The following KIF1B variants were observed in gnomAD, a reference collection of about 807,000 sequenced individuals.
KIF1B encodes kinesin family member 1B.
In KIF1B, 76 loss-of-function variants were observed where a neutral mutation model predicts 241.9. The ratio of observed to expected loss-of-function variants is 0.31; its 90% CI spans 0.26 to 0.38. The LOEUF is 0.38. KIF1B is among the 10% of genes least tolerant of loss of function. The probability of loss-of-function intolerance (pLI) is 1.00; values close to 1 mark genes in which losing one functional copy is unlikely to be tolerated. For synonymous variants in KIF1B, 750 were observed against 796.7 expected (o/e 0.94, Z 0.99); for missense variants, 1,622 against 2,271.4 (o/e 0.71, Z 5.81).
At chr1:10,312,014 C>T (rs1651088645) in intron 22 of KIF1B, among the ~76,000 whole-genome samples, 1 of 151,410 alleles carries the variant, frequency 6.6e-6, no homozygotes, top group Non-Finnish European at 1.5e-5. Context: ...GAGCCAGAGC[C>T]AGTCCCAGGG....
intron 45 of KIF1B, among the ~76,000 whole-genome samples, chr1:10,373,799 G>A (rs181799082): frequency 4.3e-4 from 66 of 152,298 alleles, no homozygotes; most frequent in African/African-American, 1.6e-3. Flanking sequence ...GGGCCTCTGA[G>A]ACTTCAGTGT....
At chr1:10,334,212 A>G (rs991841323) in intron 27 of KIF1B, among the ~76,000 whole-genome samples, 2 of 150,958 alleles carry the variant, frequency 1.3e-5, no homozygotes, top group Non-Finnish European at 2.9e-5. Flanking sequence ...CTGCCCGAGC[A>G]GCATTCATAG....
At position 10,374,635 on chromosome 1, in the gene KIF1B, G is replaced by T. The variant is rs560268336; in HGVS notation, c.5096+170G>T. Among the ~76,000 whole-genome samples the T allele has an allele frequency of 3.2e-4, 48 of 152,284 alleles. No homozygotes were observed. In the South Asian group the frequency reaches 8.7e-3, roughly 28 times the overall value. On this transcript the variant is annotated intron_variant, in intron 46 of 48. Coordinates refer to ENST00000676179, the MANE Select transcript of KIF1B (RefSeq NM_001365951.3). The surrounding 1 kb of genome is among the most constrained non-coding windows in gnomAD (Gnocchi z 4.3). Reference sequence around the variant, plus strand: ...AGGGCCAGCCTGGGTTTCTCCAGTTGGGTCTCATAATGCATCTGCACCCTG... The same window carrying T: ...AGGGCCAGCCTGGGTTTCTCCAGTTTGGTCTCATAATGCATCTGCACCCTG...
chr1:10,220,584 G>C (rs373193723), intron 1 of KIF1B, among the ~76,000 whole-genome samples: 1 of 152,114 alleles, frequency 6.6e-6, no homozygotes, highest in East Asian at 1.9e-4. Flanking sequence ...GTACAGCCAA[G>C]GAGTTTTGAG....
Position 10,296,591 on chromosome 1 carries a change from C to T in KIF1B, c.1787C>T (p.Thr596Ile), listed in dbSNP as rs938537402. Residue 596 changes from threonine (T) to isoleucine (I), a missense_variant, in exon 20 of 49, where the codon ACC becomes ATC. Around this residue, in one of 7 missense-constraint regions of KIF1B, gnomAD observed 44 missense variants for 28.6 expected, o/e 1.54. Transcript: ENST00000676179. ...ERSNSGEVIV[T>I]LEPCERSETY... ...TGTTTGTTCCTCTTAGTTATCGTGA[C>T]CTTAGAGCCCTGTGAGCGCTCAGAA... 6.2e-7 allele frequency: 1 copy of T among 1,613,348 alleles called. No homozygotes were observed. The highest frequency in any genetic ancestry group is 1.3e-5 in the African/African-American group (1 of 74,866).
chr1:10,335,915 T>C (rs1652152715), intron 28 of KIF1B, among the ~76,000 whole-genome samples: 1 of 152,198 alleles, frequency 6.6e-6, no homozygotes, highest in Non-Finnish European at 1.5e-5. Context: ...AATGTGGTCA[T>C]TTGCTGTAAT....
At chr1:10,212,589 T>C (rs1404777651) in intron 1 of KIF1B, among the ~76,000 whole-genome samples, 1 of 152,070 alleles carries the variant, frequency 6.6e-6, no homozygotes, top group Non-Finnish European at 1.5e-5. Flanking sequence ...TTGAACTATG[T>C]AAAAAATTTT....
chr1:10,328,689 T>C (rs540583031), intron 27 of KIF1B, among the ~76,000 whole-genome samples: 55 of 152,344 alleles, frequency 3.6e-4, no homozygotes, highest in African/African-American at 1.3e-3. Context: ...TGTTCGCTTG[T>C]GTTCTATACC....
intron 13 of KIF1B, 139 bp from the exon 14 acceptor site, chr1:10,278,958 G>A (rs909013542): frequency 5.6e-6 from 3 of 532,648 alleles, no homozygotes; most frequent in African/African-American, 1.9e-5. Flanking sequence ...GATGAATACC[G>A]TTTGTAAAAA....
At chr1:10,278,224 G>A (rs1429729865) in intron 13 of KIF1B, 96 bp downstream of exon 13, 1 of 1,255,078 alleles carries the variant, frequency 8.0e-7, no homozygotes, top group East Asian at 2.4e-5. Context: ...AAGTTAAGGA[G>A]CATGATGAAG....
At chr1:10,360,232 C>T (rs2102343793) in intron 38 of KIF1B, among the ~76,000 whole-genome samples, 1 of 152,196 alleles carries the variant, frequency 6.6e-6, no homozygotes. Flanking sequence ...GCATTCACTT[C>T]CTGCTGTCAT....
intron 22 of KIF1B, among the ~76,000 whole-genome samples, chr1:10,313,777 C>T (rs150314977): frequency 0.013 from 2,027 of 151,294 alleles, 44 homozygotes; most frequent in East Asian, 0.02. Flanking sequence ...GTCTTGATCT[C>T]CTGACCTCGT....
intron 3 of KIF1B, among the ~76,000 whole-genome samples, chr1:10,257,599 C>T (rs995634072): frequency 1.3e-5 from 2 of 152,058 alleles, no homozygotes; most frequent in African/African-American, 4.8e-5. Context: ...AATGTTGCTG[C>T]TTCTTAGGGA....
At chr1:10,323,175 T>C (rs553918805) in intron 24 of KIF1B, among the ~76,000 whole-genome samples, 27 of 152,312 alleles carry the variant, frequency 1.8e-4, no homozygotes, top group Admixed American at 6.5e-4. Context: ...TAAATGCTTT[T>C]AAGAGCAGTA....
intron 15 of KIF1B, among the ~76,000 whole-genome samples, chr1:10,283,206 C>CAAAAAA (rs33994771): frequency 4.6e-4 from 28 of 61,462 alleles, no homozygotes; most frequent in South Asian, 6.9e-4. Context: ...GACTCCGTCT[C>CAAAAAA]AAAAAAAAAA....
intron 43 of KIF1B, among the ~76,000 whole-genome samples, chr1:10,366,265 T>A (rs2102351364): frequency 6.6e-6 from 1 of 151,992 alleles, no homozygotes; most frequent in East Asian, 1.9e-4. Flanking sequence ...AATTAAAAAA[T>A]TAAAAAATAT....
intron 24 of KIF1B, among the ~76,000 whole-genome samples, chr1:10,322,533 C>G (rs17034727): frequency 7.2e-4 from 109 of 152,290 alleles, no homozygotes; most frequent in Middle Eastern, 3.4e-3. Flanking sequence ...TAGATTCAGT[C>G]TTCTGTATGC....
At chr1:10,313,799 C>T (rs954663643) in intron 22 of KIF1B, among the ~76,000 whole-genome samples, 2 of 151,424 alleles carry the variant, frequency 1.3e-5, no homozygotes, top group Non-Finnish European at 2.9e-5. Flanking sequence ...ATCTGCCCAC[C>T]TTGGCCTCCC....
chr1:10,310,052 A>G (rs1366328489), intron 22 of KIF1B, among the ~76,000 whole-genome samples: 1 of 151,566 alleles, frequency 6.6e-6, no homozygotes, highest in Non-Finnish European at 1.5e-5. Flanking sequence ...TCACTGTTTT[A>G]ATAATGATGG....
Sources: gnomAD v4.1 joint callset for allele counts (sites outside exome capture counted in the v4.1 genomes callset) on GRCh38, gnomAD v4.1.1 for gene constraint, gnomAD v4.1.1 regional missense constraint, Gnocchi (gnomAD v3.1) non-coding constraint, MANE v1.5 for transcripts, NCBI Gene and HGNC (gene_info 2026-07-23, HGNC 2026-07-21) for gene names.